ARHGAP23: variants seen among roughly 807,000 people sequenced by gnomAD.
ARHGAP23 encodes the protein Rho GTPase activating protein 23.
A neutral mutation model predicts 136.3 loss-of-function variants in ARHGAP23; 34 were observed. The observed-to-expected ratio is 0.25, with a 90% CI of 0.19 to 0.33. ARHGAP23 has a LOEUF of 0.33. ARHGAP23 is among the 10% of genes least tolerant of loss of function. The pLI is 1.00. For missense variants in ARHGAP23, 1,808 were observed against 2,139.0 expected, an observed-to-expected ratio of 0.85 and a Z score of 3.05; for synonymous variants, 832 against 920.5, an observed-to-expected ratio of 0.90 and a Z score of 1.74.
intron 1 of ARHGAP23, among the ~76,000 whole-genome samples, chr17:38,456,576 G>C (rs7216608): frequency 6.6e-6 from 1 of 152,166 alleles, no homozygotes; most frequent in Non-Finnish European, 1.5e-5. Flanking sequence ...GCTTGGACTA[G>C]GGGCAACATA....
At chr17:38,490,005 G>A in intron 17 of ARHGAP23, 97 bp from the exon 18 acceptor site, 28 of 1,174,480 alleles carry the variant, frequency 2.4e-5, no homozygotes, top group Non-Finnish European at 3.4e-5. Flanking sequence ...CCGAACTGGA[G>A]GAGTTCAAAA....
intron 6 of ARHGAP23, among the ~76,000 whole-genome samples, chr17:38,463,673 G>C: frequency 6.6e-6 from 1 of 152,110 alleles, no homozygotes; most frequent in East Asian, 1.9e-4. Flanking sequence ...TCCTAGGAGA[G>C]ATGCCTCTTC....
At chr17:38,430,942 C>G (rs921401708) in intron 1 of ARHGAP23, among the ~76,000 whole-genome samples, 3 of 152,208 alleles carry the variant, frequency 2.0e-5, no homozygotes, top group African/African-American at 7.2e-5. Flanking sequence ...AAAACTACCT[C>G]ATTTGATCCT....
intron 19 of ARHGAP23, among the ~76,000 whole-genome samples, chr17:38,491,175 G>T (rs1423602595): frequency 6.6e-6 from 1 of 152,226 alleles, no homozygotes; most frequent in Admixed American, 6.5e-5. Flanking sequence ...GGGCTGCCTT[G>T]TATAGGTGTG....
At chr17:38,434,726 A>G (rs1256619660) in intron 1 of ARHGAP23, among the ~76,000 whole-genome samples, 2 of 152,194 alleles carry the variant, frequency 1.3e-5, no homozygotes, top group Non-Finnish European at 2.9e-5. Flanking sequence ...TCTGTCTCCT[A>G]TCTGACTTCT....
At position 38,458,211 on chromosome 17, in the gene ARHGAP23, T is replaced by A. The variant is rs1308620105; in HGVS notation, c.173T>A (p.Leu58Gln). The change falls in exon 2 of 24, where the codon CTG becomes CAG. Residue 58 changes from leucine (L) to glutamine (Q), a missense_variant. Around this residue, in one of 7 missense-constraint regions of ARHGAP23, gnomAD observed 859 missense variants for 936.4 expected, o/e 0.92. Transcript: ENST00000622683. ...CCCCAGGACGGCTTTGGCTTCACTC[T>A]GCGCCACTTCATCGTGTACCCACCC... ...KSPQDGFGFT[L>Q]RHFIVYPPES... 5 of 1,535,878 alleles carry A rather than the reference T, an allele frequency of 3.3e-6. No individual in the cohort carries two copies. The African/African-American group carries it at 5.5e-5, about 17-fold the overall frequency.
chr17:38,429,694 A>G (rs2038644363), intron 1 of ARHGAP23, among the ~76,000 whole-genome samples: 1 of 152,054 alleles, frequency 6.6e-6, no homozygotes, highest in Non-Finnish European at 1.5e-5. Flanking sequence ...TATGAACTTG[A>G]AATTCAGGAT....
At chr17:38,422,616 T>C (rs1055169528) in intron 1 of ARHGAP23, among the ~76,000 whole-genome samples, 3 of 152,146 alleles carry the variant, frequency 2.0e-5, no homozygotes. Flanking sequence ...GCTGCCAGCT[T>C]ACCCTGCTGC....
intron 23 of ARHGAP23, among the ~76,000 whole-genome samples, chr17:38,503,590 C>T (rs1414925853): frequency 6.6e-6 from 1 of 152,210 alleles, no homozygotes; most frequent in Non-Finnish European, 1.5e-5. Context: ...TGTGACCCCA[C>T]CGTGTCTCCA....
chr17:38,481,541 C>T (rs1339151602), intron 14 of ARHGAP23, among the ~76,000 whole-genome samples: 2 of 152,226 alleles, frequency 1.3e-5, no homozygotes, highest in African/African-American at 4.8e-5. Context: ...GTCCTGCCGG[C>T]CTCAGCTTCC....
chr17:38,435,428 TC>T (rs1261790581), intron 1 of ARHGAP23, among the ~76,000 whole-genome samples: 1 of 152,112 alleles, frequency 6.6e-6, no homozygotes, highest in Non-Finnish European at 1.5e-5. Context: ...GCTGGTGAGT[TC>T]CCAAGGTCCA....
chr17:38,431,537 C>T (rs751937842), intron 1 of ARHGAP23, among the ~76,000 whole-genome samples: 5 of 152,172 alleles, frequency 3.3e-5, no homozygotes, highest in Admixed American at 6.5e-5. Context: ...GATCCAGGCC[C>T]CCCTGTTTCT....
At chr17:38,430,446 A>G (rs1289366671) in intron 1 of ARHGAP23, among the ~76,000 whole-genome samples, 1 of 152,066 alleles carries the variant, frequency 6.6e-6, no homozygotes, top group Non-Finnish European at 1.5e-5. Flanking sequence ...ACGGGGAAGA[A>G]GTGCAGCATT....
intron 11 of ARHGAP23, among the ~76,000 whole-genome samples, chr17:38,473,598 G>A (rs2039816616): frequency 1.3e-5 from 2 of 150,790 alleles, no homozygotes; most frequent in South Asian, 2.1e-4. Context: ...CCCTCCTGGG[G>A]CTCCTGTCGC....
chr17:38,457,597 C>T (rs1166734581), intron 1 of ARHGAP23: 2 of 172,720 alleles, frequency 1.2e-5, no homozygotes, highest in Admixed American at 1.1e-4. Context: ...TTTGCACATG[C>T]TTGTCTGTAT....
chr17:38,494,057 G>A (rs2040336526), intron 20 of ARHGAP23, among the ~76,000 whole-genome samples: 1 of 152,188 alleles, frequency 6.6e-6, no homozygotes, highest in Non-Finnish European at 1.5e-5. Flanking sequence ...AGCATCGCTG[G>A]CTTCTACCTG....
At position 38,463,331 on chromosome 17, in the gene ARHGAP23, T is replaced by C; in HGVS notation, c.432T>C (p.Asp144=). 6.4e-7 allele frequency: 1 copy of C among 1,551,750 alleles called. No homozygotes were observed. The highest frequency in any genetic ancestry group is 8.7e-7 in the Non-Finnish European group (1 of 1,146,990). The stretch of plus-strand genomic sequence containing the variant: ...GACGTTCTGCCTGTCTCTGTAGTGA[T>C]GACACTCTGGAGCTGTCTATCATGC... ...SQVIALIQNS[D]DTLELSIMPK... The change falls in exon 6 of 24, where the codon GAT becomes GAC. Residue 144 remains aspartate, a synonymous_variant. Coordinates refer to ENST00000622683, the MANE Select transcript of ARHGAP23 (RefSeq NM_001199417.2).
intron 1 of ARHGAP23, among the ~76,000 whole-genome samples, chr17:38,448,660 T>A (rs1458422198): frequency 6.7e-6 from 1 of 149,762 alleles, no homozygotes; most frequent in Non-Finnish European, 1.5e-5. Context: ...TTTTTTTTTT[T>A]TTTGAGACAG....
Position 38,469,237 on chromosome 17 carries a change from G to C in ARHGAP23, c.1742G>C (p.Gly581Ala). 1 of 1,551,556 alleles carries C rather than the reference G, an allele frequency of 6.4e-7. No individual in the cohort carries two copies. Among genetic ancestry groups the C allele is most frequent in the Non-Finnish European group, 8.7e-7 (1 of 1,146,818 alleles). ...GCCATGAACTCAGCCCCTGTCCTGG[G>C]CACCAGCCCATCTTCCCCGACCTTC... The part of the protein sequence containing the change: ...SSAMNSAPVL[G>A]TSPSSPTFTF... The change falls in exon 8 of 24, where the codon GGC becomes GCC. Residue 581 changes from glycine to alanine, a missense_variant. This residue lies in a region of ARHGAP23 where 859 missense variants were observed against 936.4 expected (regional missense o/e 0.92). Coordinates refer to ENST00000622683, the MANE Select transcript of ARHGAP23 (RefSeq NM_001199417.2).
Sources: allele counts gnomAD v4.1 joint callset (sites outside exome capture counted in the v4.1 genomes callset), GRCh38; gene constraint gnomAD v4.1.1; regional missense constraint gnomAD v4.1.1; transcripts MANE v1.5; gene names NCBI Gene and HGNC (gene_info 2026-07-23, HGNC 2026-07-21).